Variants in TRPM3 observed in about 807,000 individuals in gnomAD.
The protein encoded by TRPM3 is long transient receptor potential channel 3.
Under a neutral mutation model 181.2 loss-of-function variants are expected in TRPM3, and 77 were observed. The ratio of observed to expected loss-of-function variants is 0.42; its 90% confidence interval spans 0.35 to 0.51. The LOEUF (loss-of-function observed/expected upper bound fraction) is 0.51. Among genes scored for constraint, TRPM3 ranks in the 20% least tolerant of loss-of-function variants. TRPM3 has a pLI of 0.01. For synonymous variants in TRPM3, 745 were observed against 796.4 expected, an observed-to-expected ratio of 0.94 and a Z score of 1.09; for missense variants, 1,759 against 2,196.7, an observed-to-expected ratio of 0.80 and a Z score of 3.98.
chr9:71,084,185 G>A (rs140834341), intron 1 of TRPM3, among the ~76,000 whole-genome samples: 394 of 152,016 alleles, frequency 2.6e-3, no homozygotes, highest in Non-Finnish European at 4.7e-3. Context: ...TTGAGAAATC[G>A]GCTGGCTGAT....
intron 1 of TRPM3, among the ~76,000 whole-genome samples, chr9:71,039,961 A>G (rs1008203091): frequency 6.6e-5 from 10 of 152,222 alleles, no homozygotes; most frequent in Non-Finnish European, 1.5e-5. Flanking sequence ...TAATTTCATT[A>G]TAAGGGAAAT....
intron 1 of TRPM3, among the ~76,000 whole-genome samples, chr9:70,971,852 T>C (rs1485783960): frequency 2.0e-5 from 3 of 152,000 alleles, no homozygotes; most frequent in Non-Finnish European, 4.4e-5. Context: ...TCAATATCAT[T>C]AGTCATTAGG....
chr9:70,802,418 G>C (rs2089381711), intron 6 of TRPM3, among the ~76,000 whole-genome samples: 1 of 152,176 alleles, frequency 6.6e-6, no homozygotes, highest in Admixed American at 6.5e-5. Flanking sequence ...GAATGAGCAT[G>C]ACTATGTTGC....
At chr9:70,701,256 ATGTTCTCATTGAC>A (rs2072451453) in intron 8 of TRPM3, among the ~76,000 whole-genome samples, 1 of 152,162 alleles carries the variant, frequency 6.6e-6, no homozygotes, top group South Asian at 2.1e-4. Flanking sequence ...TGACTTAGCG[ATGTTCTCATTGAC>A]TGTCAGGGAT....
At chr9:70,652,550 C>T (rs2059726228) in intron 9 of TRPM3, among the ~76,000 whole-genome samples, 2 of 152,294 alleles carry the variant, frequency 1.3e-5, no homozygotes, top group African/African-American at 2.4e-5. Context: ...GAATTTTCAT[C>T]ATACAGTGAC....
chr9:71,317,113 G>A (rs2088675782), intron 1 of TRPM3, among the ~76,000 whole-genome samples: 2 of 152,092 alleles, frequency 1.3e-5, no homozygotes, highest in African/African-American at 4.8e-5. Flanking sequence ...CAACCAGAAT[G>A]TACTTCTTAC....
intron 1 of TRPM3, among the ~76,000 whole-genome samples, chr9:71,421,660 C>A (rs1294017655): frequency 6.6e-6 from 1 of 151,964 alleles, no homozygotes; most frequent in Non-Finnish European, 1.5e-5. Flanking sequence ...GGTATACTCA[C>A]ATAAACCTAG....
rs1283997872 is a variant in TRPM3, at chr9:71,360,186, C to A, written c.183+86467G>T. Among the ~76,000 whole-genome samples the A allele has an allele frequency of 2.0e-5, 3 of 152,150 alleles. No homozygotes were observed. The East Asian group carries it at 5.8e-4, about 29-fold the overall frequency. On this transcript the variant is annotated intron_variant, in intron 1 of 24. Coordinates refer to the TRPM3 transcript ENST00000357533. Reference sequence around the variant, plus strand: ...AGGTTAGGTAATCTCAAAGCTCCTACTGGATTACAGAAGGCACTAAGAGAT... The same window carrying A: ...AGGTTAGGTAATCTCAAAGCTCCTAATGGATTACAGAAGGCACTAAGAGAT...
chr9:71,100,145 T>C (rs1224936839), intron 1 of TRPM3, among the ~76,000 whole-genome samples: 1 of 152,206 alleles, frequency 6.6e-6, no homozygotes, highest in Non-Finnish European at 1.5e-5. Flanking sequence ...TTTTTGATTC[T>C]GATTTTTAGA....
chr9:71,110,694 A>G (rs1438431167), intron 1 of TRPM3, among the ~76,000 whole-genome samples: 2 of 152,208 alleles, frequency 1.3e-5, no homozygotes, highest in African/African-American at 4.8e-5. Context: ...AAAACTACTT[A>G]TTCTAGGTAA....
chr9:71,244,377 G>T (rs2131983200), intron 1 of TRPM3, among the ~76,000 whole-genome samples: 1 of 152,224 alleles, frequency 6.6e-6, no homozygotes, highest in South Asian at 2.1e-4. Flanking sequence ...TGAGTGAGTG[G>T]CAGCATCAGA....
chr9:70,916,412 C>A (rs1228479039), intron 1 of TRPM3, among the ~76,000 whole-genome samples: 2 of 152,104 alleles, frequency 1.3e-5, no homozygotes, highest in African/African-American at 2.4e-5. Flanking sequence ...ATGAATCAAT[C>A]AAAAATAATA....
intron 1 of TRPM3, among the ~76,000 whole-genome samples, chr9:71,031,470 T>A (rs926196984): frequency 1.3e-5 from 2 of 152,172 alleles, no homozygotes; most frequent in African/African-American, 4.8e-5. Context: ...AATGGAGGCA[T>A]TACAGATGAG....
chr9:70,830,435 C>A (rs2093819411), intron 5 of TRPM3, among the ~76,000 whole-genome samples: 1 of 152,108 alleles, frequency 6.6e-6, no homozygotes, highest in Admixed American at 6.6e-5. Context: ...GAATACTGCA[C>A]ATCTGAATTG....
At chr9:71,320,906 G>A (rs559017663) in intron 1 of TRPM3, among the ~76,000 whole-genome samples, 76 of 151,890 alleles carry the variant, frequency 5.0e-4, no homozygotes, top group African/African-American at 1.6e-3. Flanking sequence ...GATACATCCC[G>A]CTACCCATGC....
intron 6 of TRPM3, among the ~76,000 whole-genome samples, chr9:70,799,141 C>A (rs777173286): frequency 6.6e-6 from 1 of 152,210 alleles, no homozygotes; most frequent in Non-Finnish European, 1.5e-5. Context: ...AGGATGTCTA[C>A]AAAACTATTA....
In TRPM3 at chr9:71,121,490, C is replaced by A. The variant is rs935296641; in HGVS notation, c.-136G>T. 102 of 1,431,434 alleles carry A rather than the reference C, an allele frequency of 7.1e-5. No homozygotes were observed. The highest frequency in any genetic ancestry group is 8.8e-5 in the Non-Finnish European group (97 of 1,097,382). The allele number at this position is 1,431,434 out of a possible 1,614,324, so 88.7% of individuals were successfully genotyped here. On this transcript the variant is annotated 5_prime_UTR_variant, in exon 1 of 26. It removes an upstream start codon present in the reference 5' UTR. Coordinates refer to ENST00000677713, the MANE Select transcript of TRPM3 (RefSeq NM_001366145.2). ...CCTCCCCTCTCTCTGCAGCCGTGCT[C>A]ATGCATACCAAATGTGGCTGAATGG...
Position 70,799,431 on chromosome 9 carries a change from T to C in TRPM3, c.974-15152A>G, listed in dbSNP as rs146404960. ...TTATCTGGACATCTTTTGAGAAAAA[T>C]AACTTGTTAAGTCTAATCTGATCGA... is the stretch of plus-strand genomic sequence containing the variant. On this transcript the variant is annotated intron_variant, in intron 6 of 25. Coordinates refer to ENST00000677713, the MANE Select transcript of TRPM3 (RefSeq NM_001366145.2). Among the ~76,000 whole-genome samples, 346 of 152,322 alleles carry C rather than the reference T, an allele frequency of 2.3e-3. 3 individuals carry two copies. Among genetic ancestry groups the C allele is most frequent in the African/African-American group, 7.9e-3 (327 of 41,580 alleles).
At chr9:71,058,707 C>T (rs530275230) in intron 1 of TRPM3, among the ~76,000 whole-genome samples, 1 of 152,126 alleles carries the variant, frequency 6.6e-6, no homozygotes, top group South Asian at 2.1e-4. Flanking sequence ...CTGAGGCTGC[C>T]TCTGTACCTC....
Sources: allele counts gnomAD v4.1 joint callset (sites outside exome capture counted in the v4.1 genomes callset), GRCh38; gene constraint gnomAD v4.1.1; transcripts MANE v1.5; gene names NCBI Gene and HGNC (gene_info 2026-07-23, HGNC 2026-07-21).